Variants in PMF1 observed in about 807,000 individuals in gnomAD.
PMF1 encodes polyamine-modulated factor 1.
PMF1 carries 21 observed loss-of-function variants against 26.7 expected under a neutral mutation model. That is an observed-to-expected ratio of 0.79 (90% confidence interval 0.56 to 1.13). The LOEUF (loss-of-function observed/expected upper bound fraction) is 1.13, where lower values mean the gene tolerates loss of function less well. Among genes scored for constraint, PMF1 ranks in the 50% most tolerant of loss-of-function variants. The pLI is 0.00. For synonymous variants in PMF1, 105 were observed against 101.0 expected (o/e 1.04, Z -0.24); for missense variants, 266 against 254.9 (o/e 1.04, Z -0.30).
chr1:156,225,062 G>A (rs552191922), intron 1 of PMF1, among the ~76,000 whole-genome samples: 1 of 152,046 alleles, frequency 6.6e-6, no homozygotes, highest in Non-Finnish European at 1.5e-5. Flanking sequence ...ACTGCGCCCT[G>A]CTAATTTTTG....
chr1:156,228,454 A>G (rs953815079), intron 1 of PMF1, among the ~76,000 whole-genome samples: 1 of 151,490 alleles, frequency 6.6e-6, no homozygotes, highest in Admixed American at 6.6e-5. Context: ...GTTAAGCCAC[A>G]TTGTCCTGTT....
chr1:156,213,045 C>CA lies in PMF1; in HGVS notation c.31dup (p.Ser11LysfsTer4). The CA allele has an allele frequency of 6.2e-7, 1 of 1,614,214 alleles. No homozygotes were observed. The highest frequency in any genetic ancestry group is 8.5e-7 in the Non-Finnish European group (1 of 1,180,022). On this transcript the variant is annotated frameshift_variant, in exon 1 of 5. Coordinates refer to ENST00000368277, the MANE Select transcript of PMF1 (RefSeq NM_007221.4). LOFTEE classifies it high-confidence loss of function. ...CCGAAGCAAGTAGCGCCAATCTAGG[C>CA]AGCGGCTGTGAGGAAAAAAGGCATG... is the stretch of plus-strand genomic sequence containing the variant.
chr1:156,236,377 A>C lies in PMF1; in HGVS notation c.458A>C (p.Gln153Pro). Residue 153 changes from glutamine to proline, a missense_variant, in exon 4 of 5, where the codon CAG (glutamine) becomes CCG (proline). Physicochemically the swap from Gln to Pro is moderately conservative, Grantham distance 76. Transcript: ENST00000368277. ...CGGGACACCCTGCGGCGCCATGTGC[A>C]GAAACAGGAGGCCGAGAACCAGCAG... ...QQRDTLRRHVQKQEAENQQLA... is the reference protein window; with the variant it reads ...QQRDTLRRHVPKQEAENQQLA... 6.2e-7 allele frequency: 1 copy of C among 1,614,234 alleles called. No individual in the cohort carries two copies. The highest frequency in any genetic ancestry group is 8.5e-7 in the Non-Finnish European group (1 of 1,180,020).
chr1:156,214,750 G>GA (rs796137947), intron 1 of PMF1, among the ~76,000 whole-genome samples: 69 of 125,338 alleles, frequency 5.5e-4, no homozygotes, highest in East Asian at 1.8e-3. Flanking sequence ...CTCTAAAAAA[G>GA]AAAAAAAAAA....
At chr1:156,229,761 C>T (rs138442967) in intron 1 of PMF1, among the ~76,000 whole-genome samples, 5 of 152,046 alleles carry the variant, frequency 3.3e-5, no homozygotes, top group Non-Finnish European at 5.9e-5. Flanking sequence ...TTAGTAGAGA[C>T]GAGGTTTCTC....
At chr1:156,214,941 G>A (rs1433220885) in intron 1 of PMF1, among the ~76,000 whole-genome samples, 2 of 150,556 alleles carry the variant, frequency 1.3e-5, no homozygotes, top group Non-Finnish European at 3.0e-5. Flanking sequence ...GCAGTGGCTC[G>A]ATCTCGGCTC....
rs754398491 is a variant in PMF1, at chr1:156,236,408, A to G, written c.489A>G (p.Ala163=). 4 of 1,614,078 alleles carry G rather than the reference A, an allele frequency of 2.5e-6. No homozygotes were observed. Among genetic ancestry groups the G allele is most frequent in the Non-Finnish European group, 2.5e-6 (3 of 1,180,014 alleles). The part of the protein sequence containing the change: ...QKQEAENQQL[A]DAVLAGRRQV... ...AGGAGGCCGAGAACCAGCAGCTGGC[A>G]GATGCCGTCCTGGCAGGGCGGAGGC... is the stretch of plus-strand genomic sequence containing the variant. Residue 163 remains alanine, a synonymous_variant, in exon 4 of 5, where the codon GCA becomes GCG. Transcript: ENST00000368277.
chr1:156,234,801 G>A (rs567667672), intron 3 of PMF1, among the ~76,000 whole-genome samples: 9 of 152,076 alleles, frequency 5.9e-5, no homozygotes, highest in African/African-American at 9.6e-5. Flanking sequence ...GAGCCCTCGC[G>A]CCCAGCCTCG....
intron 1 of PMF1, 135 bp from the exon 2 acceptor site, chr1:156,232,185 A>G (rs1386238911): frequency 5.4e-6 from 4 of 747,074 alleles, no homozygotes; most frequent in Non-Finnish European, 9.2e-6. Flanking sequence ...AGAGATTTGC[A>G]TCCACTGGCT....
At chr1:156,234,362 G>A (rs1057227140) in intron 3 of PMF1, among the ~76,000 whole-genome samples, 1 of 152,064 alleles carries the variant, frequency 6.6e-6, no homozygotes, top group African/African-American at 2.4e-5. Flanking sequence ...AAGGGTGGGT[G>A]GGGGGAGTGG....
intron 4 of PMF1, among the ~76,000 whole-genome samples, chr1:156,238,018 A>C (rs1042174455): frequency 6.6e-6 from 1 of 152,144 alleles, no homozygotes; most frequent in African/African-American, 2.4e-5. Context: ...TCCACCTGCC[A>C]CAGCTTCCCA....
intron 1 of PMF1, among the ~76,000 whole-genome samples, chr1:156,230,554 G>A (rs1277464022): frequency 7.4e-6 from 1 of 135,176 alleles, no homozygotes; most frequent in Non-Finnish European, 1.6e-5. Flanking sequence ...TTGTTGAAGG[G>A]GAAGGGCCTG....
chr1:156,218,615 A>G (rs1038691883), intron 1 of PMF1, among the ~76,000 whole-genome samples: 3 of 152,026 alleles, frequency 2.0e-5, no homozygotes, highest in African/African-American at 7.2e-5. Context: ...CCCCATCTCT[A>G]CTAAAAATAC....
chr1:156,230,101 C>A (rs1168112555), intron 1 of PMF1, among the ~76,000 whole-genome samples: 1 of 152,166 alleles, frequency 6.6e-6, no homozygotes, highest in African/African-American at 2.4e-5. Flanking sequence ...AGGGAGGACC[C>A]AGCAGTGACT....
intron 1 of PMF1, among the ~76,000 whole-genome samples, chr1:156,225,282 C>CTTTTTTTT (rs58481427): frequency 1.4e-5 from 1 of 71,664 alleles, no homozygotes; most frequent in Non-Finnish European, 2.6e-5. Flanking sequence ...CAGTCCTCAG[C>CTTTTTTTT]TTTTTTTTTT....
intron 1 of PMF1, chr1:156,225,508 T>C: frequency 9.0e-7 from 1 of 1,114,638 alleles, no homozygotes; most frequent in Middle Eastern, 2.0e-4. Flanking sequence ...GCCCTTTGCA[T>C]CCCCAGCTTC....
intron 4 of PMF1, 87 bp downstream of exon 4, chr1:156,236,570 A>G (rs1400431326): frequency 2.0e-6 from 3 of 1,486,450 alleles, no homozygotes; most frequent in East Asian, 4.9e-5. Flanking sequence ...ATTCCAACAC[A>G]GGGGACCCCC....
At chr1:156,227,943 T>C (rs1295838959) in intron 1 of PMF1, among the ~76,000 whole-genome samples, 2 of 150,136 alleles carry the variant, frequency 1.3e-5, no homozygotes, top group African/African-American at 4.9e-5. Context: ...GATTTTTTTT[T>C]TTTTTTTTGA....
At chr1:156,235,035 G>A (rs1658924581) in intron 3 of PMF1, among the ~76,000 whole-genome samples, 1 of 152,146 alleles carries the variant, frequency 6.6e-6, no homozygotes, top group Admixed American at 6.6e-5. Flanking sequence ...GCCAGAGGGA[G>A]TAGAAATCTT....
Sources: allele counts gnomAD v4.1 joint callset (sites outside exome capture counted in the v4.1 genomes callset), GRCh38; gene constraint gnomAD v4.1.1; transcripts MANE v1.5; gene names NCBI Gene and HGNC (gene_info 2026-07-23, HGNC 2026-07-21).